Variants in CNTLN observed in about 807,000 individuals in gnomAD.
CNTLN encodes the protein centlein.
Under a neutral mutation model 180.0 loss-of-function variants are expected in CNTLN, and 212 were observed. That is an observed-to-expected ratio of 1.18 (90% CI 1.05 to 1.32). The LOEUF (loss-of-function observed/expected upper bound fraction) is 1.32. Ranked by LOEUF, CNTLN falls within the 40% of genes most tolerant of loss-of-function variation. The pLI, the probability that CNTLN is intolerant of heterozygous loss-of-function variation, is 0.00. For missense variants in CNTLN, 2,095 were observed against 1,610.9 expected (o/e 1.30, Z -5.14); for synonymous variants, 722 against 563.1 (o/e 1.28, Z -3.99).
chr9:17,158,863 A>G (rs935432265), intron 2 of CNTLN, among the ~76,000 whole-genome samples: 3 of 151,594 alleles, frequency 2.0e-5, no homozygotes, highest in African/African-American at 4.8e-5. Context: ...TCTCTATTGT[A>G]TTAATTTCTC....
chr9:17,271,615 G>T lies in CNTLN; in HGVS notation c.850-2118G>T, dbSNP rs78079673. ...TTTCTGTTTTCAGCCTATCTTTCTT[G>T]TAGTCTGCTTTATCATGATGAATGG... On this transcript the variant is annotated intron_variant, in intron 5 of 25. Transcript: ENST00000380647. 7.9e-5 allele frequency among the ~76,000 whole-genome samples: 12 copies of T among 152,178 alleles called. No individual in the cohort carries two copies. The East Asian group carries it at 2.3e-3, about 29-fold the overall frequency.
chr9:17,346,100 G>T (rs559402777), intron 12 of CNTLN, among the ~76,000 whole-genome samples: 1 of 152,176 alleles, frequency 6.6e-6, no homozygotes, highest in African/African-American at 2.4e-5. Flanking sequence ...CCACACGGCT[G>T]GGGAGGCCTC....
intron 14 of CNTLN, among the ~76,000 whole-genome samples, chr9:17,390,540 G>A (rs574403733): frequency 2.6e-5 from 4 of 152,102 alleles, no homozygotes; most frequent in East Asian, 3.9e-4. Context: ...CACTGCACCC[G>A]GCCTGAAAAG....
chr9:17,312,365 TATATATATATATATATATA>T lies in CNTLN; in HGVS notation c.1341+3116_1341+3134del, dbSNP rs1349973773. Among the ~76,000 whole-genome samples the T allele has an allele frequency of 2.2e-3, 16 of 7,214 alleles. No individual in the cohort carries two copies. In the East Asian group the frequency reaches 0.064, roughly 29 times the overall value. 4.7% of individuals were successfully genotyped at this position (7,214 alleles called of 152,430 possible). A position where few individuals can be genotyped will look rare whatever the true frequency, so the allele number is the denominator to read the frequency against. On this transcript the variant is annotated intron_variant, in intron 8 of 25. Transcript: ENST00000380647. ...TATTTATATATATATATATATATAT[TATATATATATATATATATA>T]ATTTATTTATTTATTTTTTTGATAC...
At chr9:17,461,716 A>ACTAC (rs1831457630) in intron 19 of CNTLN, among the ~76,000 whole-genome samples, 1 of 151,614 alleles carries the variant, frequency 6.6e-6, no homozygotes, top group African/African-American at 2.4e-5. Context: ...TAGCTAAATA[A>ACTAC]CTACTCCAAA....
chr9:17,451,367 G>C (rs1056870355), intron 18 of CNTLN, among the ~76,000 whole-genome samples: 3 of 152,132 alleles, frequency 2.0e-5, no homozygotes, highest in Non-Finnish European at 4.4e-5. Flanking sequence ...AGAATAATCA[G>C]ATTATGAGAA....
At chr9:17,294,502 GGT>G (rs1412146292) in intron 6 of CNTLN, among the ~76,000 whole-genome samples, 3 of 151,222 alleles carry the variant, frequency 2.0e-5, no homozygotes, top group Non-Finnish European at 2.9e-5. Flanking sequence ...GGTGCTGATT[GGT>G]GTGTTCACAA....
intron 8 of CNTLN, among the ~76,000 whole-genome samples, chr9:17,315,535 A>G (rs1187560384): frequency 2.6e-5 from 4 of 151,960 alleles, no homozygotes; most frequent in African/African-American, 7.2e-5. Flanking sequence ...TTCTTAGAAA[A>G]TTTGTGGTAA....
Position 17,183,759 on chromosome 9 carries a change from A to AG in CNTLN, c.449+40383_449+40384insG, listed in dbSNP as rs528804545. 2.7e-4 allele frequency among the ~76,000 whole-genome samples: 41 copies of AG among 152,242 alleles called. No homozygotes were observed. The South Asian group carries it at 8.3e-3, about 31-fold the overall frequency. On this transcript the variant is annotated intron_variant, in intron 2 of 25. Coordinates refer to ENST00000380647, the MANE Select transcript of CNTLN (RefSeq NM_017738.4). ...ATAGTATTTAAAGTAGTTGGGAAGT[A>AG]TACTAAACATGAAATACACTTCTGC... is the stretch of plus-strand genomic sequence containing the variant.
rs10962914 is a variant in CNTLN at position 17,220,682 on chromosome 9, G to T, written c.450-5521G>T. 6.5e-3 allele frequency among the ~76,000 whole-genome samples: 992 copies of T among 152,288 alleles called. 3 individuals carry two copies. The highest frequency in any genetic ancestry group is 0.017 in the East Asian group (89 of 5,186). ...AGCTCCCGCTTATAGGCGAGAACAT[G>T]TTGCACATGCAATATTTGATTTTCT... On this transcript the variant is annotated intron_variant, in intron 2 of 25. Coordinates refer to ENST00000380647, the MANE Select transcript of CNTLN (RefSeq NM_017738.4).
chr9:17,486,386 T>TA (rs1271856815), intron 24 of CNTLN, among the ~76,000 whole-genome samples: 1 of 152,118 alleles, frequency 6.6e-6, no homozygotes. Context: ...AAGTGAATCA[T>TA]CAACTGTACG....
At chr9:17,243,231 C>G (rs1045910807) in intron 5 of CNTLN, among the ~76,000 whole-genome samples, 3 of 152,072 alleles carry the variant, frequency 2.0e-5, no homozygotes, top group African/African-American at 4.8e-5. Flanking sequence ...CTGAGTTAAT[C>G]TGGCTAATGT....
intron 5 of CNTLN, among the ~76,000 whole-genome samples, chr9:17,272,163 G>C (rs536268864): frequency 8.1e-6 from 1 of 123,390 alleles, no homozygotes; most frequent in Non-Finnish European, 1.6e-5. Context: ...TGCAACCTCC[G>C]CCTCCTGGGT....
intron 8 of CNTLN, among the ~76,000 whole-genome samples, chr9:17,316,706 G>C (rs1228088954): frequency 1.3e-5 from 2 of 151,958 alleles, no homozygotes; most frequent in Admixed American, 1.3e-4. Flanking sequence ...TGTTATGTCT[G>C]TTTTGTTCCT....
chr9:17,336,942 G>C (rs1049419138), intron 10 of CNTLN, among the ~76,000 whole-genome samples: 14 of 152,172 alleles, frequency 9.2e-5, no homozygotes, highest in South Asian at 6.2e-4. Flanking sequence ...CAGTGTACAA[G>C]TGTTTCTGTT....
At chr9:17,268,429 G>C (rs1252264374) in intron 5 of CNTLN, among the ~76,000 whole-genome samples, 2 of 152,164 alleles carry the variant, frequency 1.3e-5, no homozygotes, top group Non-Finnish European at 2.9e-5. Context: ...GGCCATGTGA[G>C]GTGTCTGTCA....
chr9:17,258,734 CA>C lies in CNTLN; in HGVS notation c.850-14998del, dbSNP rs934383743. Among the ~76,000 whole-genome samples, 2 of 145,538 alleles carry C rather than the reference CA, an allele frequency of 1.4e-5. 1 individual carries two copies. Among genetic ancestry groups the C allele is most frequent in the African/African-American group, 5.3e-5 (2 of 37,634 alleles). On this transcript the variant is annotated intron_variant, in intron 5 of 25. Transcript: ENST00000380647. Reference sequence around the variant, plus strand: ...CCTAGGTATTTTATTCTCTTTGAAGCAGTTGTGAATGTGAGTTCACTCATGA... The same window carrying C: ...CCTAGGTATTTTATTCTCTTTGAAGCGTTGTGAATGTGAGTTCACTCATGA...
chr9:17,238,690 G>T (rs909491427), intron 5 of CNTLN, among the ~76,000 whole-genome samples: 11 of 152,052 alleles, frequency 7.2e-5, no homozygotes, highest in African/African-American at 2.7e-4. Flanking sequence ...TAAAACTTTG[G>T]TTAAATAAAT....
intron 5 of CNTLN, among the ~76,000 whole-genome samples, chr9:17,269,512 C>A (rs575501219): frequency 6.6e-6 from 1 of 151,968 alleles, no homozygotes. Flanking sequence ...CTTTCATGAT[C>A]TCTTGTTTGG....
Sources: allele counts gnomAD v4.1 joint callset (sites outside exome capture counted in the v4.1 genomes callset), GRCh38; gene constraint gnomAD v4.1.1; transcripts MANE v1.5; gene names NCBI Gene and HGNC (gene_info 2026-07-23, HGNC 2026-07-21).